Variants in SCAI observed in about 807,000 individuals in gnomAD.
The protein encoded by SCAI is protein SCAI.
In SCAI, 24 loss-of-function variants were observed where a neutral mutation model predicts 92.2. That is an observed-to-expected ratio of 0.26 (90% CI 0.19 to 0.37). The LOEUF (loss-of-function observed/expected upper bound fraction) is 0.37, where lower values mean the gene tolerates loss of function less well. Ranked by LOEUF, SCAI falls within the 10% of genes least tolerant of loss-of-function variation. The pLI is 1.00. For synonymous variants in SCAI, 261 were observed against 258.6 expected (o/e 1.01, Z -0.09); for missense variants, 450 against 736.2 (o/e 0.61, Z 4.50).
chr9:125,079,794 A>AGG (rs1366539479), intron 2 of SCAI, among the ~76,000 whole-genome samples: 1 of 152,156 alleles, frequency 6.6e-6, no homozygotes, highest in East Asian at 1.9e-4. Flanking sequence ...ACGGAACATG[A>AGG]GGAGAAGGCT....
intron 14 of SCAI, among the ~76,000 whole-genome samples, chr9:124,989,064 G>C (rs1487530996): frequency 2.6e-5 from 4 of 152,134 alleles, no homozygotes; most frequent in Admixed American, 2.6e-4. Flanking sequence ...TCCTGAACCT[G>C]GGTGGTGGAT....
intron 9 of SCAI, among the ~76,000 whole-genome samples, chr9:125,016,302 C>T (rs746938899): frequency 3.3e-5 from 5 of 150,602 alleles, no homozygotes; most frequent in Non-Finnish European, 5.9e-5. Context: ...GCAGGAGAAT[C>T]GCTTGAACCT....
At chr9:125,048,838 C>T (rs1308720966) in intron 3 of SCAI, among the ~76,000 whole-genome samples, 2 of 152,006 alleles carry the variant, frequency 1.3e-5, no homozygotes, top group Non-Finnish European at 2.9e-5. Context: ...ATCCGCCTCC[C>T]AGGTTCAAGC....
intron 2 of SCAI, among the ~76,000 whole-genome samples, chr9:125,130,982 T>C (rs1438896627): frequency 7.4e-6 from 1 of 135,692 alleles, no homozygotes; most frequent in Admixed American, 8.0e-5. Context: ...GGTCTCACTA[T>C]ATTGTGCAGG....
chr9:125,134,972 G>A (rs776243413), intron 2 of SCAI, among the ~76,000 whole-genome samples: 6 of 152,052 alleles, frequency 3.9e-5, no homozygotes, highest in Non-Finnish European at 7.4e-5. Context: ...CACCACGCCC[G>A]GCCAGTTTCC....
At chr9:125,019,232 G>T (rs746953229) in intron 7 of SCAI, 27 bp from the exon 8 acceptor site, 3 of 1,357,542 alleles carry the variant, frequency 2.2e-6, no homozygotes, top group South Asian at 1.3e-5. Flanking sequence ...CACAAAAAAG[G>T]TTATTAAAAA....
rs554765991 is a variant in SCAI at position 125,080,896 on chromosome 9, G to A, written c.99-24889C>T. On this transcript the variant is annotated intron_variant, in intron 2 of 17. Transcript: ENST00000336505. ...ACCCAGTGGAAGGTAAATGAATCAC[G>A]GGGACAAGTCATTCTCATGCTGTTC... is the stretch of plus-strand genomic sequence containing the variant. 1.1e-4 allele frequency among the ~76,000 whole-genome samples: 16 copies of A among 152,274 alleles called. 1 individual carries two copies. The South Asian group carries it at 2.5e-3, about 24-fold the overall frequency.
At chr9:125,013,931 C>T (rs1314095759) in intron 9 of SCAI, among the ~76,000 whole-genome samples, 6 of 152,088 alleles carry the variant, frequency 3.9e-5, no homozygotes, top group Non-Finnish European at 8.8e-5. Flanking sequence ...ACAAAAACCA[C>T]ATGATTATCT....
At chr9:125,050,936 T>C (rs1344908698) in intron 3 of SCAI, among the ~76,000 whole-genome samples, 2 of 152,166 alleles carry the variant, frequency 1.3e-5, no homozygotes, top group African/African-American at 4.8e-5. Flanking sequence ...ACCACATCTC[T>C]CTCAAACAAA....
At chr9:125,054,747 GC>G (rs1223115687) in intron 3 of SCAI, among the ~76,000 whole-genome samples, 1 of 152,180 alleles carries the variant, frequency 6.6e-6, no homozygotes, top group East Asian at 1.9e-4. Flanking sequence ...AAAATAGGAA[GC>G]AGAAGAGTGC....
At chr9:124,983,384 C>T (rs1486638415) in intron 14 of SCAI, among the ~76,000 whole-genome samples, 1 of 152,090 alleles carries the variant, frequency 6.6e-6, no homozygotes, top group African/African-American at 2.4e-5. Flanking sequence ...GATGATGTCT[C>T]ACTCTGTTGC....
rs1265163245 is a variant in SCAI at position 125,080,605 on chromosome 9, T to C, written c.99-24598A>G. On this transcript the variant is annotated intron_variant, in intron 2 of 17. Transcript: ENST00000336505. Reference sequence around the variant, plus strand: ...ACTTGAATTACTAGCTATTTTACTTTGGGCATGTTTTTAACTTTTCTCAGC... The same window carrying C: ...ACTTGAATTACTAGCTATTTTACTTCGGGCATGTTTTTAACTTTTCTCAGC... Among the ~76,000 whole-genome samples, 4 of 152,234 alleles carry C rather than the reference T, an allele frequency of 2.6e-5. No homozygotes were observed. In the East Asian group the frequency reaches 7.7e-4, roughly 29 times the overall value.
chr9:125,002,488 G>GTTTTTTTTT (rs58586769), intron 11 of SCAI, among the ~76,000 whole-genome samples: 1 of 125,104 alleles, frequency 8.0e-6, no homozygotes, highest in Non-Finnish European at 1.6e-5. Flanking sequence ...TTTTTAGTCT[G>GTTTTTTTTT]TTTTTTTTTT....
At chr9:125,023,195 T>C (rs1832904106) in intron 6 of SCAI, among the ~76,000 whole-genome samples, 1 of 152,216 alleles carries the variant, frequency 6.6e-6, no homozygotes, top group African/African-American at 2.4e-5. Context: ...CCAATCCTTC[T>C]TGTATATCAT....
chr9:125,115,110 T>C (rs562542846), intron 2 of SCAI, among the ~76,000 whole-genome samples: 2 of 151,906 alleles, frequency 1.3e-5, no homozygotes, highest in East Asian at 2.0e-4. Flanking sequence ...CGGTGGTTCA[T>C]GCCTGTAATC....
chr9:125,107,291 C>A lies in SCAI; in HGVS notation c.98+35342G>T, dbSNP rs528831815. ...AAGGGTGGTGGTGTGGGCCTGTAGT[C>A]CCAGCTACTTGGGAGGCTGAGGCAG... On this transcript the variant is annotated intron_variant, in intron 2 of 17. Coordinates refer to ENST00000336505, the MANE Select transcript of SCAI (RefSeq NM_001144877.3). Among the ~76,000 whole-genome samples, 4 of 151,834 alleles carry A rather than the reference C, an allele frequency of 2.6e-5. No individual in the cohort carries two copies. In the South Asian group the frequency reaches 6.3e-4, roughly 24 times the overall value.
At chr9:125,080,985 G>C (rs1228735840) in intron 2 of SCAI, among the ~76,000 whole-genome samples, 2 of 152,220 alleles carry the variant, frequency 1.3e-5, no homozygotes, top group African/African-American at 4.8e-5. Context: ...CCCTGTACAA[G>C]TTATCTCTTT....
chr9:125,073,798 T>C (rs148965135), intron 2 of SCAI, among the ~76,000 whole-genome samples: 16 of 152,246 alleles, frequency 1.1e-4, no homozygotes, highest in African/African-American at 3.6e-4. Flanking sequence ...GTAAATAAAA[T>C]GAAGAGTACA....
chr9:125,026,394 AAG>A lies in SCAI; in HGVS notation c.512+416_512+417del, dbSNP rs1491296847. On this transcript the variant is annotated intron_variant, in intron 6 of 17. Coordinates refer to ENST00000336505, the MANE Select transcript of SCAI (RefSeq NM_001144877.3). ...GACTCCACCTCCAAAAAAAAAAAAAAAGAGAGAGAAAATTCAAACAGCATTAA... is the reference window on the plus strand; with the variant it reads ...GACTCCACCTCCAAAAAAAAAAAAAAAGAGAGAAAATTCAAACAGCATTAA... Among the ~76,000 whole-genome samples the A allele has an allele frequency of 1.5e-3, 209 of 136,596 alleles. 4 individuals carry two copies. Among genetic ancestry groups the A allele is most frequent in the Middle Eastern group, 3.4e-3 (1 of 290 alleles). 89.6% of individuals were successfully genotyped at this position (136,596 alleles called of 152,430 possible).
Sources: gnomAD v4.1 joint callset for allele counts (sites outside exome capture counted in the v4.1 genomes callset) on GRCh38, gnomAD v4.1.1 for gene constraint, MANE v1.5 for transcripts, NCBI Gene and HGNC (gene_info 2026-07-23, HGNC 2026-07-21) for gene names.